NCAPG: variants seen among roughly 807,000 people sequenced by gnomAD.
NCAPG encodes non-SMC condensin I complex subunit G, also known as condensin complex subunit 3.
A neutral mutation model predicts 113.1 loss-of-function variants in NCAPG; 69 were observed. That is an observed-to-expected ratio of 0.61 (90% CI 0.50 to 0.75). The LOEUF is 0.75. Among genes scored for constraint, NCAPG ranks in the 30% least tolerant of loss-of-function variants. The pLI, the probability that NCAPG is intolerant of heterozygous loss-of-function variation, is 0.00. For missense variants in NCAPG, 1,058 were observed against 1,177.0 expected (o/e 0.90, Z 1.48); for synonymous variants, 370 against 415.8 (o/e 0.89, Z 1.34).
intron 13 of NCAPG, among the ~76,000 whole-genome samples, chr4:17,831,619 A>T (rs972044577): frequency 3.3e-5 from 5 of 152,190 alleles, no homozygotes; most frequent in African/African-American, 1.2e-4. Context: ...AGAAGGAAGT[A>T]CAAGAGCGAA....
chr4:17,830,275 G>C (rs1297738060), intron 12 of NCAPG, among the ~76,000 whole-genome samples: 1 of 151,752 alleles, frequency 6.6e-6, no homozygotes, highest in Non-Finnish European at 1.5e-5. Context: ...GGCCTGTGCT[G>C]TCAGCTACTT....
intron 7 of NCAPG, 133 bp from the exon 8 acceptor site, chr4:17,822,850 C>T: frequency 7.1e-6 from 4 of 566,308 alleles, no homozygotes; most frequent in South Asian, 4.1e-5. Flanking sequence ...GTTTGTAGAC[C>T]AAATTACATG....
At chr4:17,831,219 GATT>G (rs1721859629) in intron 13 of NCAPG, 103 bp downstream of exon 13, 1 of 1,180,740 alleles carries the variant, frequency 8.5e-7, no homozygotes, top group Non-Finnish European at 1.2e-6. Flanking sequence ...TATTGATGAT[GATT>G]ATTATGGATA....
chr4:17,824,799 TG>T (rs1224015621), intron 9 of NCAPG, among the ~76,000 whole-genome samples, 168 bp from the exon 10 acceptor site: 1 of 152,060 alleles, frequency 6.6e-6, no homozygotes, highest in African/African-American at 2.4e-5. Flanking sequence ...TGTTTTGTTT[TG>T]TTTTTTTCTA....
Position 17,814,890 on chromosome 4 carries a change from A to C in NCAPG, c.582A>C (p.Glu194Asp). 1 of 1,614,212 alleles carries C rather than the reference A, an allele frequency of 6.2e-7. No homozygotes were observed. Among genetic ancestry groups the C allele is most frequent in the Non-Finnish European group, 8.5e-7 (1 of 1,180,030 alleles). The change falls in exon 4 of 21, where the codon GAA (glutamate) becomes GAC (aspartate). Residue 194 changes from glutamate to aspartate, a missense_variant. By Grantham distance (45) the Glu-to-Asp change is conservative (BLOSUM62 2). Transcript: ENST00000251496. ...ATLIENDSNP[E>D]VRRAVLSCIA... ...TGATTGAAAATGATTCAAATCCAGA[A>C]GTTAGACGGGCAGTGTTATCATGTA...
Position 17,813,123 on chromosome 4 carries a change from T to A in NCAPG, c.522T>A (p.Asp174Glu), listed in dbSNP as rs1721065139. The change falls in exon 3 of 21, where the codon GAT (aspartate) becomes GAA (glutamate). Residue 174 changes from aspartate to glutamate, a missense_variant. Transcript: ENST00000251496. ...TTTCACGACTTCAGGATCCCAAGGA[T>A]GATGAATGCCCAGTGGTTAATGGTG... ...LALSRLQDPK[D>E]DECPVVNAYA... The A allele has an allele frequency of 6.2e-7, 1 of 1,613,806 alleles. No homozygotes were observed. Among genetic ancestry groups the A allele is most frequent in the African/African-American group, 1.3e-5 (1 of 74,936 alleles).
Position 17,825,019 on chromosome 4 carries a change from A to G in NCAPG, c.1435A>G (p.Asn479Asp), listed in dbSNP as rs376604108. The G allele has an allele frequency of 3.7e-6, 6 of 1,612,750 alleles. No individual in the cohort carries two copies. In the African/African-American group the frequency reaches 8.0e-5, roughly 22 times the overall value. The change falls in exon 10 of 21, where the codon AAT (asparagine) becomes GAT (aspartate). Residue 479 changes from asparagine (N) to aspartate (D), a missense_variant. Asn to Asp is a conservative substitution (Grantham distance 23, BLOSUM62 1). Coordinates refer to ENST00000251496, the MANE Select transcript of NCAPG (RefSeq NM_022346.5). ...GGCGCCCATTGTTACTGTTGGTGTT[A>G]ATAACGATCCAGCTGATGTAAGAAA... ...IRAPIVTVGV[N>D]NDPADVRKKE...
At chr4:17,839,225 T>C (rs965934109) in intron 16 of NCAPG, among the ~76,000 whole-genome samples, 3 of 152,098 alleles carry the variant, frequency 2.0e-5, no homozygotes, top group African/African-American at 4.8e-5. Flanking sequence ...GCCAATCCCA[T>C]AGGGAGTTCC....
intron 8 of NCAPG, among the ~76,000 whole-genome samples, 187 bp from the exon 9 acceptor site, chr4:17,823,459 AT>A (rs1012593350): frequency 3.0e-4 from 46 of 151,510 alleles, no homozygotes; most frequent in Non-Finnish European, 6.0e-4. Context: ...TTTTATAAAA[AT>A]TTTTTTTTGT....
chr4:17,825,262 C>T, intron 10 of NCAPG, 120 bp from the exon 11 acceptor site: 1 of 926,154 alleles, frequency 1.1e-6, no homozygotes, highest in Non-Finnish European at 1.6e-6. Context: ...TACAAGTTTG[C>T]ATATGCCTGA....
chr4:17,843,109 C>T, intron 20 of NCAPG, 193 bp from the exon 21 acceptor site: 2 of 488,086 alleles, frequency 4.1e-6, no homozygotes, highest in Non-Finnish European at 3.6e-6. Flanking sequence ...CTAGATTTTC[C>T]CTGATTCACT....
At position 17,823,639 on chromosome 4, in the gene NCAPG, G is replaced by T; in HGVS notation, c.1260-8G>T. On this transcript the variant is annotated splice_polypyrimidine_tract_variant and splice_region_variant and intron_variant, in intron 8 of 20. Transcript: ENST00000251496. The stretch of plus-strand genomic sequence containing the variant: ...AATAATATTTAAATTAGTTCTTTTT[G>T]ACTGCAGAAAAAAACTGCTGGCTGT... The T allele has an allele frequency of 1.2e-6, 2 of 1,601,026 alleles. No homozygotes were observed. The highest frequency in any genetic ancestry group is 2.2e-5 in the South Asian group (2 of 89,570).
chr4:17,811,300 T>C lies in NCAPG; in HGVS notation c.111+112T>C, dbSNP rs1386573942. 5.0e-6 allele frequency: 3 copies of C among 601,504 alleles called. No individual in the cohort carries two copies. Among genetic ancestry groups the C allele is most frequent in the African/African-American group, 2.0e-5 (1 of 50,018 alleles). The allele number at this position is 601,504 out of a possible 1,614,324, so 37.3% of individuals were successfully genotyped here. ...CACCGTGACTCCAGCCTTGTTCACCTTCGCGACTCACTTCATAGGGATCTG... is the reference window on the plus strand; with the variant it reads ...CACCGTGACTCCAGCCTTGTTCACCCTCGCGACTCACTTCATAGGGATCTG... On this transcript the variant is annotated intron_variant, in intron 1 of 20. Transcript: ENST00000251496. This position sits in a 1 kb window ranked among gnomAD's most constrained non-coding sequence, Gnocchi z 5.3.
intron 16 of NCAPG, 52 bp from the exon 17 acceptor site, chr4:17,839,624 T>G: frequency 8.0e-7 from 1 of 1,245,802 alleles, no homozygotes; most frequent in Non-Finnish European, 1.1e-6. Context: ...TAAGACTATA[T>G]AATAATCATA....
intron 5 of NCAPG, among the ~76,000 whole-genome samples, chr4:17,816,362 C>T (rs751539379): frequency 3.9e-5 from 6 of 152,162 alleles, no homozygotes; most frequent in Non-Finnish European, 8.8e-5. Context: ...TCCTCCTGTG[C>T]GGCCCGGTTC....
intron 13 of NCAPG, 91 bp from the exon 14 acceptor site, chr4:17,834,208 G>A: frequency 1.2e-6 from 1 of 837,736 alleles, no homozygotes; most frequent in Non-Finnish European, 1.8e-6. Context: ...ATTTGACTAA[G>A]AAAAAAACAA....
At position 17,823,641 on chromosome 4, in the gene NCAPG, C is replaced by A; in HGVS notation, c.1260-6C>A. On this transcript the variant is annotated splice_polypyrimidine_tract_variant and splice_region_variant and intron_variant, in intron 8 of 20. Transcript: ENST00000251496. ...TAATATTTAAATTAGTTCTTTTTGA[C>A]TGCAGAAAAAAACTGCTGGCTGTTT... The A allele has an allele frequency of 2.5e-6, 4 of 1,602,580 alleles. No individual in the cohort carries two copies. Among genetic ancestry groups the A allele is most frequent in the Non-Finnish European group, 3.4e-6 (4 of 1,174,028 alleles).
rs1459857629 is a variant in NCAPG at position 17,817,953 on chromosome 4, T to C, written c.983T>C (p.Val328Ala). The C allele has an allele frequency of 6.3e-7, 1 of 1,598,280 alleles. No individual in the cohort carries two copies. The highest frequency in any genetic ancestry group is 8.5e-7 in the Non-Finnish European group (1 of 1,175,214). ...KNNDGRKLIP[V>A]ETLTPEIALY... ...TTTAAATGAAGGAAATTGATTCCAG[T>C]GGAAACATTAACTCCTGAAATTGCT... Residue 328 changes from valine (V) to alanine (A), a missense_variant, in exon 7 of 21, where the codon GTG (valine) becomes GCG (alanine). By Grantham distance (64) the Val-to-Ala change is moderately conservative. Transcript: ENST00000251496.
Position 17,813,071 on chromosome 4 carries a change from A to C in NCAPG, c.470A>C (p.Asn157Thr). The C allele has an allele frequency of 6.2e-7, 1 of 1,614,100 alleles. No homozygotes were observed. Among genetic ancestry groups the C allele is most frequent in the South Asian group, 1.1e-5 (1 of 91,082 alleles). Reference protein sequence around the residue: ...MLIRLKDKIPNVRIQAVLALS... With the variant: ...MLIRLKDKIPTVRIQAVLALS... ...ATTAGATTGAAAGATAAGATTCCAAATGTGAGAATACAGGCAGTTCTGGCG... is the reference window on the plus strand; with the variant it reads ...ATTAGATTGAAAGATAAGATTCCAACTGTGAGAATACAGGCAGTTCTGGCG... The change falls in exon 3 of 21, where the codon AAT becomes ACT. Residue 157 changes from asparagine to threonine, a missense_variant. Physicochemically the swap from Asn to Thr is moderately conservative, Grantham distance 65. Transcript: ENST00000251496.
Sources: allele counts gnomAD v4.1 joint callset (sites outside exome capture counted in the v4.1 genomes callset), GRCh38; gene constraint gnomAD v4.1.1; non-coding constraint Gnocchi (gnomAD v3.1); transcripts MANE v1.5; gene names NCBI Gene and HGNC (gene_info 2026-07-23, HGNC 2026-07-21).